Variants in GALNT5 observed in about 807,000 individuals in gnomAD.
GALNT5 encodes UDP-GalNAc:polypeptide N-acetylgalactosaminyltransferase 5.
A neutral mutation model predicts 85.4 loss-of-function variants in GALNT5; 72 were observed. The observed-to-expected ratio is 0.84, with a 90% CI of 0.70 to 1.03. GALNT5 has a LOEUF of 1.03. Ranked by LOEUF, GALNT5 falls within the 50% of genes least tolerant of loss-of-function variation. The probability of loss-of-function intolerance (pLI) is 0.00; values close to 1 mark genes in which losing one functional copy is unlikely to be tolerated. For missense variants in GALNT5, 1,137 were observed against 1,135.5 expected, an observed-to-expected ratio of 1.00 and a Z score of -0.02; for synonymous variants, 404 against 397.0, an observed-to-expected ratio of 1.02 and a Z score of -0.21.
Position 157,257,911 on chromosome 2 carries a change from G to A in GALNT5, c.-172G>A. ...ATGCCACGCAGGCAGAGACTGACAA[G>A]CGGTAGGAACTGAGCTTTCCCCTTG... is the stretch of plus-strand genomic sequence containing the variant. On this transcript the variant is annotated 5_prime_UTR_variant, in exon 1 of 10. Transcript: ENST00000259056. 4.6e-6 allele frequency: 3 copies of A among 658,290 alleles called. No individual in the cohort carries two copies. The highest frequency in any genetic ancestry group is 7.9e-6 in the Non-Finnish European group (3 of 379,918). The allele number at this position is 658,290 out of a possible 1,614,324, so 40.8% of individuals were successfully genotyped here.
chr2:157,291,633 A>AAAC (rs1553463130), intron 3 of GALNT5, among the ~76,000 whole-genome samples: 1 of 117,036 alleles, frequency 8.5e-6, no homozygotes, highest in Non-Finnish European at 1.7e-5. Context: ...GTTACCACCC[A>AAAC]CCCCCCCCCA....
At chr2:157,294,970 T>C (rs1683182995) in intron 3 of GALNT5, among the ~76,000 whole-genome samples, 1 of 151,192 alleles carries the variant, frequency 6.6e-6, no homozygotes, top group African/African-American at 2.4e-5. Flanking sequence ...TTTTCCTTTT[T>C]TTTTTCCTCC....
chr2:157,259,398 G>C lies in GALNT5; in HGVS notation c.1316G>C (p.Gly439Ala). The change falls in exon 1 of 10, where the codon GGG becomes GCG. Residue 439 changes from glycine (G) to alanine (A), a missense_variant. Gly to Ala is a moderately conservative substitution (Grantham distance 60). Coordinates refer to ENST00000259056, the MANE Select transcript of GALNT5 (RefSeq NM_014568.3). ...TCTCCAAGGGACCCCAAAGCTCCAG[G>C]GCAGTTTGGGCGTCCTGTAGTTGTC... ...TLSPRDPKAP[G>A]QFGRPVVVPH... 12 of 1,501,876 alleles carry C rather than the reference G, an allele frequency of 8.0e-6. No individual in the cohort carries two copies. The highest frequency in any genetic ancestry group is 1.1e-5 in the Non-Finnish European group (12 of 1,123,918). The allele number at this position is 1,501,876 out of a possible 1,614,324, so 93.0% of individuals were successfully genotyped here.
At chr2:157,278,887 G>A (rs898551609) in intron 1 of GALNT5, among the ~76,000 whole-genome samples, 12 of 152,178 alleles carry the variant, frequency 7.9e-5, no homozygotes, top group Admixed American at 6.5e-4. Flanking sequence ...CTTTGGAGGA[G>A]AAGAGGTGCT....
chr2:157,268,742 T>C (rs1044479042), intron 1 of GALNT5, among the ~76,000 whole-genome samples: 1 of 152,212 alleles, frequency 6.6e-6, no homozygotes, highest in Non-Finnish European at 1.5e-5. Context: ...GAGGCCCCAT[T>C]TGTTTTTAGA....
rs180969458 is a variant in GALNT5 at position 157,284,975 on chromosome 2, A to G, written c.1621+527A>G. Among the ~76,000 whole-genome samples, 235 of 152,370 alleles carry G rather than the reference A, an allele frequency of 1.5e-3. 1 individual carries two copies. The highest frequency in any genetic ancestry group is 5.2e-3 in the African/African-American group (217 of 41,588). ...ACAAAGTTCAAAACCAGAATCCACC[A>G]TAGCCTTTATGTTCATTTTTGCTTA... On this transcript the variant is annotated intron_variant, in intron 2 of 9. Transcript: ENST00000259056.
At chr2:157,308,232 A>G (rs1278480138) in intron 8 of GALNT5, among the ~76,000 whole-genome samples, 2 of 152,240 alleles carry the variant, frequency 1.3e-5, no homozygotes, top group Non-Finnish European at 2.9e-5. Context: ...AATGACATCC[A>G]TATGCAGACA....
intron 7 of GALNT5, among the ~76,000 whole-genome samples, chr2:157,303,942 C>T (rs903847535): frequency 6.6e-6 from 1 of 152,170 alleles, no homozygotes; most frequent in African/African-American, 2.4e-5. Context: ...ATTCTGACAG[C>T]AAGCTGAACA....
In GALNT5 at chr2:157,285,642, T is replaced by C. The variant is rs540125582; in HGVS notation, c.1622-373T>C. 2.0e-5 allele frequency among the ~76,000 whole-genome samples: 3 copies of C among 152,266 alleles called. No individual in the cohort carries two copies. In the South Asian group the frequency reaches 6.2e-4, roughly 32 times the overall value. ...ATTGTTTAGCCTCTTCCTTGGGTCATGGAAGGGGCTTTTGCAAGAGGTGGG... is the reference window on the plus strand; with the variant it reads ...ATTGTTTAGCCTCTTCCTTGGGTCACGGAAGGGGCTTTTGCAAGAGGTGGG... On this transcript the variant is annotated intron_variant, in intron 2 of 9. Coordinates refer to ENST00000259056, the MANE Select transcript of GALNT5 (RefSeq NM_014568.3).
intron 1 of GALNT5, among the ~76,000 whole-genome samples, chr2:157,267,839 T>G (rs1682490773): frequency 6.6e-6 from 1 of 152,226 alleles, no homozygotes; most frequent in South Asian, 2.1e-4. Context: ...CCAGGTGATT[T>G]TGACTGAATG....
At position 157,300,997 on chromosome 2, in the gene GALNT5, G is replaced by A. The variant is rs775498851; in HGVS notation, c.2437G>A (p.Val813Met). ...GGCTCCCATTGTGAGAGCTAGTGGT[G>A]TGGTAAGTTCAAGTGGCAATTTAAA... is the stretch of plus-strand genomic sequence containing the variant. ...LRAPIVRASG[V>M]LINVALGKCI... The change falls in exon 7 of 10, where the codon GTG (valine) becomes ATG (methionine). Residue 813 changes from valine to methionine, a missense_variant and splice_region_variant. By Grantham distance (21) the Val-to-Met change is conservative. Coordinates refer to ENST00000259056, the MANE Select transcript of GALNT5 (RefSeq NM_014568.3). The A allele has an allele frequency of 1.9e-6, 3 of 1,608,392 alleles. No individual in the cohort carries two copies. Among genetic ancestry groups the A allele is most frequent in the Non-Finnish European group, 1.7e-6 (2 of 1,175,902 alleles).
chr2:157,303,490 C>T (rs1360512309), intron 7 of GALNT5, among the ~76,000 whole-genome samples: 2 of 147,548 alleles, frequency 1.4e-5, no homozygotes, highest in African/African-American at 2.7e-5. Context: ...AAAATTCATA[C>T]ACTGCCTATT....
intron 3 of GALNT5, among the ~76,000 whole-genome samples, chr2:157,291,339 C>T (rs1195910648): frequency 2.6e-5 from 4 of 152,326 alleles, no homozygotes; most frequent in Middle Eastern, 3.4e-3. Flanking sequence ...TGACATCTAA[C>T]TCCTAGCAAA....
intron 1 of GALNT5, among the ~76,000 whole-genome samples, chr2:157,269,237 A>T (rs1682527684): frequency 6.6e-6 from 1 of 152,164 alleles, no homozygotes; most frequent in South Asian, 2.1e-4. Context: ...AAACAAGCAC[A>T]CTAGTTTTGC....
rs766978323 is a variant in GALNT5 at position 157,286,454 on chromosome 2, CT to C, written c.1741+321del. 2.6e-5 allele frequency among the ~76,000 whole-genome samples: 4 copies of C among 152,224 alleles called. No individual in the cohort carries two copies. In the East Asian group the frequency reaches 5.8e-4, roughly 22 times the overall value. Reference sequence around the variant, plus strand: ...CAGCTTTCATAACTAAATATAATACCTACTATATGCTCTTTTCAAGTTTTCT... The same window carrying C: ...CAGCTTTCATAACTAAATATAATACCACTATATGCTCTTTTCAAGTTTTCT... On this transcript the variant is annotated intron_variant, in intron 3 of 9. Coordinates refer to ENST00000259056, the MANE Select transcript of GALNT5 (RefSeq NM_014568.3).
chr2:157,299,471 A>G (rs1307780636), intron 5 of GALNT5, 77 bp from the exon 6 acceptor site: 4 of 831,670 alleles, frequency 4.8e-6, no homozygotes, highest in Non-Finnish European at 4.1e-6. Context: ...CCTCCCGTAC[A>G]GATGTACAGA....
intron 3 of GALNT5, among the ~76,000 whole-genome samples, chr2:157,286,893 AGTGTGTGTGTGTGTGTGTGTGT>A (rs3072178): frequency 1.5e-5 from 2 of 135,828 alleles, no homozygotes; most frequent in Admixed American, 7.4e-5. Flanking sequence ...TTTAAATACC[AGTGTGTGTGTGTGTGTGTGTGT>A]GTGTGTGTGT....
At chr2:157,287,438 C>A (rs889984184) in intron 3 of GALNT5, among the ~76,000 whole-genome samples, 1 of 152,056 alleles carries the variant, frequency 6.6e-6, no homozygotes, top group African/African-American at 2.4e-5. Context: ...TCCCCTCCCT[C>A]TCATCCCCTC....
intron 1 of GALNT5, among the ~76,000 whole-genome samples, chr2:157,278,159 G>T (rs945150309): frequency 6.6e-6 from 1 of 152,118 alleles, no homozygotes; most frequent in Non-Finnish European, 1.5e-5. Flanking sequence ...CCTCACTCTC[G>T]TCTGGCTTGT....
Sources: gnomAD v4.1 joint callset for allele counts (sites outside exome capture counted in the v4.1 genomes callset) on GRCh38, gnomAD v4.1.1 for gene constraint, MANE v1.5 for transcripts, NCBI Gene and HGNC (gene_info 2026-07-23, HGNC 2026-07-21) for gene names.